The following PTPRG variants were observed in gnomAD, a reference collection of about 807,000 sequenced individuals.
The protein encoded by PTPRG is protein tyrosine phosphatase receptor type G.
In PTPRG, 102 loss-of-function variants were observed where a neutral mutation model predicts 165.3. The observed-to-expected ratio is 0.62, with a 90% CI of 0.53 to 0.73. The LOEUF (loss-of-function observed/expected upper bound fraction) is 0.73, where lower values mean the gene tolerates loss of function less well. PTPRG is among the 30% of genes least tolerant of loss of function. The pLI, the probability that PTPRG is intolerant of heterozygous loss-of-function variation, is 0.00. For synonymous variants in PTPRG, 675 were observed against 669.5 expected (o/e 1.01, Z -0.13); for missense variants, 1,866 against 1,861.4 (o/e 1.00, Z -0.05).
In PTPRG at chr3:62,203,641, G is replaced by T; in HGVS notation, c.1846G>T (p.Glu616Ter). Reference sequence around the variant, plus strand: ...GAAGAGTGGGGTGACCCACGCTGCCGAGGAGCGGAATCAGACGGAGCCCAG... The same window carrying T: ...GAAGAGTGGGGTGACCCACGCTGCCTAGGAGCGGAATCAGACGGAGCCCAG... Reference protein sequence around the residue: ...KEKSGVTHAAEERNQTEPSPT... With the variant: ...KEKSGVTHAA The change falls in exon 12 of 30, where the codon GAG (glutamate) becomes TAG (stop). Residue 616 changes from glutamate to a stop codon, truncating the protein, a stop_gained. Coordinates refer to ENST00000474889, the MANE Select transcript of PTPRG (RefSeq NM_002841.4). LOFTEE classifies it high-confidence loss of function. This position sits in a 1 kb window ranked among gnomAD's most constrained non-coding sequence, Gnocchi z 6.4. 6.4e-7 allele frequency: 1 copy of T among 1,558,724 alleles called. No homozygotes were observed. The highest frequency in any genetic ancestry group is 8.7e-7 in the Non-Finnish European group (1 of 1,150,738).
At chr3:61,972,535 T>A (rs1045600209) in intron 2 of PTPRG, among the ~76,000 whole-genome samples, 2 of 152,054 alleles carry the variant, frequency 1.3e-5, no homozygotes, top group Non-Finnish European at 2.9e-5. Context: ...TTGCAGTCAT[T>A]TCTAGGACAG....
In PTPRG at chr3:62,157,102, G is replaced by C; in HGVS notation, c.718G>C (p.Asp240His). The change falls in exon 7 of 30, where the codon GAC (aspartate) becomes CAC (histidine). Residue 240 changes from aspartate (D) to histidine (H), a missense_variant. This residue lies in a region of PTPRG where 408 missense variants were observed against 376.2 expected (regional missense o/e 1.08). Transcript: ENST00000474889. ...ETFLDPFVLR[D>H]LLPASLGSYY... Reference sequence around the variant, plus strand: ...CTTTCTGGATCCTTTCGTCCTCCGGGACCTCCTGCCTGCATCCCTGGGCAG... The same window carrying C: ...CTTTCTGGATCCTTTCGTCCTCCGGCACCTCCTGCCTGCATCCCTGGGCAG... The C allele has an allele frequency of 2.5e-6, 4 of 1,610,650 alleles. No individual in the cohort carries two copies. The highest frequency in any genetic ancestry group is 3.4e-6 in the Non-Finnish European group (4 of 1,176,888).
chr3:62,195,185 C>A lies in PTPRG; in HGVS notation c.1327+15C>A, dbSNP rs755589078. On this transcript the variant is annotated intron_variant, in intron 10 of 29. Coordinates refer to ENST00000474889, the MANE Select transcript of PTPRG (RefSeq NM_002841.4). This position sits in a 1 kb window ranked among gnomAD's most constrained non-coding sequence, Gnocchi z 4.4. ...GCTGTTTCAAGGTGAGGCTGGCTTC[C>A]CCTCCTGTGGCCGGGGTGCCCCTGA... 6.2e-7 allele frequency: 1 copy of A among 1,610,476 alleles called. No homozygotes were observed. The highest frequency in any genetic ancestry group is 2.2e-5 in the East Asian group (1 of 44,846).
At chr3:61,805,553 C>CAAAAAAAAAA (rs2035388867) in intron 2 of PTPRG, among the ~76,000 whole-genome samples, 1 of 115,474 alleles carries the variant, frequency 8.7e-6, no homozygotes, top group Admixed American at 8.3e-5. Flanking sequence ...AAAAAAAAAT[C>CAAAAAAAAAA]AAAGTGCCCC....
chr3:61,749,346 A>T, intron 2 of PTPRG: 1 of 363,390 alleles, frequency 2.8e-6, no homozygotes, highest in South Asian at 2.1e-5. Context: ...GAGCTGCTAA[A>T]TGTCTGCTAA....
intron 1 of PTPRG, among the ~76,000 whole-genome samples, chr3:61,601,718 T>C (rs913484453): frequency 6.6e-6 from 1 of 152,156 alleles, no homozygotes; most frequent in African/African-American, 2.4e-5. Flanking sequence ...ATGGAGCTTG[T>C]ATTTTAGTGG....
intron 2 of PTPRG, among the ~76,000 whole-genome samples, chr3:61,892,480 G>T (rs868421793): frequency 3.3e-5 from 5 of 152,162 alleles, no homozygotes; most frequent in African/African-American, 9.7e-5. Flanking sequence ...CTCCCAAAGC[G>T]CTGGGATTAC....
intron 1 of PTPRG, among the ~76,000 whole-genome samples, chr3:61,637,980 C>G (rs941646564): frequency 6.6e-6 from 1 of 152,158 alleles, no homozygotes; most frequent in African/African-American, 2.4e-5. Context: ...TCGGATTCCA[C>G]TTATCACTTG....
intron 2 of PTPRG, among the ~76,000 whole-genome samples, chr3:61,856,762 T>G (rs1466416511): frequency 6.6e-6 from 1 of 152,220 alleles, no homozygotes; most frequent in Non-Finnish European, 1.5e-5. Context: ...CACAAATTAC[T>G]CATTATGCTG....
chr3:62,096,364 G>GAT (rs953175786), intron 5 of PTPRG, among the ~76,000 whole-genome samples: 17 of 152,242 alleles, frequency 1.1e-4, no homozygotes, highest in African/African-American at 2.9e-4. Context: ...TTATTGTTTT[G>GAT]ATACTGGCAA....
At chr3:62,227,231 G>A (rs1229988477) in intron 13 of PTPRG, among the ~76,000 whole-genome samples, 1 of 152,168 alleles carries the variant, frequency 6.6e-6, no homozygotes, top group African/African-American at 2.4e-5. Flanking sequence ...CCAGGCACAT[G>A]TTCTTCACCC....
intron 28 of PTPRG, among the ~76,000 whole-genome samples, chr3:62,287,205 C>A (rs1388240126): frequency 6.6e-6 from 1 of 152,198 alleles, no homozygotes. Context: ...TAAGTTTAAC[C>A]ATTTCACTAG....
chr3:61,573,623 A>G (rs73094717), intron 1 of PTPRG, among the ~76,000 whole-genome samples: 2,388 of 152,270 alleles, frequency 0.016, 27 homozygotes, highest in Non-Finnish European at 0.023. Flanking sequence ...AAATTAGGCT[A>G]TGTTCTTTGA....
intron 2 of PTPRG, among the ~76,000 whole-genome samples, chr3:61,921,387 G>A (rs544590460): frequency 1.3e-5 from 2 of 152,212 alleles, no homozygotes; most frequent in East Asian, 1.9e-4. Flanking sequence ...GTAGGATAAC[G>A]GGATGGATCT....
chr3:62,098,871 AAACTTG>A (rs1702199354), intron 5 of PTPRG, among the ~76,000 whole-genome samples: 1 of 152,216 alleles, frequency 6.6e-6, no homozygotes, highest in Non-Finnish European at 1.5e-5. Context: ...GGGAATGCAT[AAACTTG>A]AAGGGTTGTG....
intron 1 of PTPRG, among the ~76,000 whole-genome samples, chr3:61,646,718 A>G (rs1239361989): frequency 3.9e-5 from 6 of 152,154 alleles, no homozygotes; most frequent in Non-Finnish European, 8.8e-5. Context: ...ATATGTGTAG[A>G]TTTGTGTGAC....
chr3:61,866,271 A>G (rs1396365135), intron 2 of PTPRG, among the ~76,000 whole-genome samples: 1 of 152,076 alleles, frequency 6.6e-6, no homozygotes, highest in Admixed American at 6.5e-5. Context: ...CCCTTTTCCC[A>G]TCCTGATACA....
intron 1 of PTPRG, among the ~76,000 whole-genome samples, chr3:61,567,037 C>T (rs1164492350): frequency 2.6e-5 from 4 of 152,164 alleles, no homozygotes; most frequent in Non-Finnish European, 5.9e-5. Flanking sequence ...ATCTGAAGTT[C>T]CCTCTAAAGC....
intron 1 of PTPRG, among the ~76,000 whole-genome samples, chr3:61,591,794 G>A (rs1306696522): frequency 1.3e-5 from 2 of 152,168 alleles, no homozygotes; most frequent in African/African-American, 4.8e-5. Context: ...TGGTGACAAG[G>A]GCTTTGGAAC....
Sources: allele counts gnomAD v4.1 joint callset (sites outside exome capture counted in the v4.1 genomes callset), GRCh38; gene constraint gnomAD v4.1.1; regional missense constraint gnomAD v4.1.1; non-coding constraint Gnocchi (gnomAD v3.1); transcripts MANE v1.5; gene names NCBI Gene and HGNC (gene_info 2026-07-23, HGNC 2026-07-21).